The following ANXA4 variants were observed in gnomAD, a reference collection of about 807,000 sequenced individuals.
ANXA4 encodes the protein annexin A4.
A neutral mutation model predicts 49.8 loss-of-function variants in ANXA4; 39 were observed. The ratio of observed to expected loss-of-function variants is 0.78; its 90% CI spans 0.61 to 1.02. The LOEUF (loss-of-function observed/expected upper bound fraction) is 1.02, where lower values mean the gene tolerates loss of function less well. Among genes scored for constraint, ANXA4 ranks in the 50% least tolerant of loss-of-function variants. The pLI, the probability that ANXA4 is intolerant of heterozygous loss-of-function variation, is 0.00. For synonymous variants in ANXA4, 134 were observed against 152.5 expected (o/e 0.88, Z 0.89); for missense variants, 360 against 410.1 (o/e 0.88, Z 1.05).
intron 1 of ANXA4, among the ~76,000 whole-genome samples, chr2:69,757,266 ATTTTTTTTT>A (rs1177266386): frequency 8.3e-4 from 23 of 27,650 alleles, no homozygotes; most frequent in African/African-American, 2.8e-3. Context: ...ATATATATAT[ATTTTTTTTT>A]TTTTTTTTTT....
chr2:69,777,597 A>G (rs1325910617), intron 1 of ANXA4, among the ~76,000 whole-genome samples: 1 of 152,174 alleles, frequency 6.6e-6, no homozygotes, highest in East Asian at 1.9e-4. Flanking sequence ...TCACAATATT[A>G]TATGGCCTGA....
At chr2:69,750,548 A>G (rs968171239) in intron 1 of ANXA4, among the ~76,000 whole-genome samples, 2 of 152,136 alleles carry the variant, frequency 1.3e-5, no homozygotes, top group African/African-American at 4.8e-5. Context: ...AGGTGGCTGG[A>G]ACTATAGGCA....
intron 1 of ANXA4, among the ~76,000 whole-genome samples, chr2:69,648,879 C>CTTTTTTT (rs201603508): frequency 2.1e-4 from 24 of 113,476 alleles, no homozygotes; most frequent in East Asian, 1.4e-3. Flanking sequence ...AATTTTCTTT[C>CTTTTTTT]TTTCTTTTCT....
chr2:69,682,438 G>A (rs1408486591), intron 2 of ANXA4, among the ~76,000 whole-genome samples: 1 of 151,954 alleles, frequency 6.6e-6, no homozygotes, highest in Non-Finnish European at 1.5e-5. Flanking sequence ...TAATGGTTCA[G>A]TAATAATAAA....
chr2:69,677,390 C>G (rs1207531281), intron 2 of ANXA4, among the ~76,000 whole-genome samples: 1 of 151,994 alleles, frequency 6.6e-6, no homozygotes, highest in Admixed American at 6.6e-5. Flanking sequence ...CCACCACGCC[C>G]TGCTGATTTT....
At chr2:69,709,635 G>A (rs966840599) in intron 2 of ANXA4, among the ~76,000 whole-genome samples, 8 of 152,128 alleles carry the variant, frequency 5.3e-5, no homozygotes, top group Non-Finnish European at 1.2e-4. Flanking sequence ...AATCTACATG[G>A]CAACCTCGCT....
At chr2:69,721,284 T>A (rs1443278081) in intron 3 of ANXA4, among the ~76,000 whole-genome samples, 1 of 152,258 alleles carries the variant, frequency 6.6e-6, no homozygotes, top group Non-Finnish European at 1.5e-5. Context: ...GATTGGAGTT[T>A]AGATCTCAAA....
At chr2:69,804,923 C>T (rs1363197745) in intron 4 of ANXA4, among the ~76,000 whole-genome samples, 3 of 151,790 alleles carry the variant, frequency 2.0e-5, no homozygotes, top group African/African-American at 4.8e-5. Flanking sequence ...TGCTGAGCAC[C>T]TGTAATCCTA....
chr2:69,741,697 A>G (rs1271784508), upstream of ANXA4, among the ~76,000 whole-genome samples: 1 of 152,026 alleles, frequency 6.6e-6, no homozygotes, highest in Non-Finnish European at 1.5e-5. Flanking sequence ...TTGCCGCGGG[A>G]CTCCGGCTTG....
At chr2:69,715,532 T>C (rs1358624497) in intron 2 of ANXA4, among the ~76,000 whole-genome samples, 1 of 152,244 alleles carries the variant, frequency 6.6e-6, no homozygotes, top group Non-Finnish European at 1.5e-5. Context: ...AAAAGGGAGA[T>C]GGTCAAATAT....
At chr2:69,656,258 CGT>C (rs1676449865) in intron 2 of ANXA4, among the ~76,000 whole-genome samples, 1 of 109,328 alleles carries the variant, frequency 9.1e-6, no homozygotes, top group Admixed American at 1.2e-4. Context: ...TATGTATATA[CGT>C]ATATATATGT....
chr2:69,800,666 T>C (rs1374391078), intron 3 of ANXA4, among the ~76,000 whole-genome samples: 1 of 152,162 alleles, frequency 6.6e-6, no homozygotes, highest in African/African-American at 2.4e-5. Context: ...GGGAGATGAT[T>C]GAGTTTCTGT....
At chr2:69,736,496 C>G (rs143883875) in intron 3 of ANXA4, among the ~76,000 whole-genome samples, 96 of 152,288 alleles carry the variant, frequency 6.3e-4, no homozygotes, top group African/African-American at 2.2e-3. Flanking sequence ...GTTAGCTGTA[C>G]TCTATAGTTA....
chr2:69,794,903 A>G (rs1383664553), intron 3 of ANXA4, among the ~76,000 whole-genome samples: 2 of 152,152 alleles, frequency 1.3e-5, no homozygotes, highest in African/African-American at 4.8e-5. Flanking sequence ...CCCTGTGCCC[A>G]GGTACTCACA....
rs118153937 is a variant in ANXA4 at position 69,745,857 on chromosome 2, T to C, written c.-47+3682T>C. Among the ~76,000 whole-genome samples, 53 of 152,148 alleles carry C rather than the reference T, an allele frequency of 3.5e-4. No homozygotes were observed. The East Asian group carries it at 5.1e-3, about 15-fold the overall frequency. Reference sequence around the variant, plus strand: ...AGAAACTATGCTTTAGAAACACTTATATGAATATGTGCATACTTCATAAAT... The same window carrying C: ...AGAAACTATGCTTTAGAAACACTTACATGAATATGTGCATACTTCATAAAT... On this transcript the variant is annotated intron_variant, in intron 1 of 12. Coordinates refer to ENST00000394295, the MANE Select transcript of ANXA4 (RefSeq NM_001153.5).
chr2:69,712,759 T>G (rs1678715832), intron 2 of ANXA4, among the ~76,000 whole-genome samples: 1 of 152,222 alleles, frequency 6.6e-6, no homozygotes, highest in African/African-American at 2.4e-5. Flanking sequence ...ATTTGGCATT[T>G]TGTTTTCAGA....
At chr2:69,698,539 G>A (rs535666407) in intron 2 of ANXA4, among the ~76,000 whole-genome samples, 91 of 152,270 alleles carry the variant, frequency 6.0e-4, no homozygotes, top group Non-Finnish European at 1.1e-3. Flanking sequence ...AGCCTAGGGC[G>A]GCAGAGAAGG....
chr2:69,740,860 T>TTG (rs1670375247), upstream of ANXA4, among the ~76,000 whole-genome samples: 1 of 145,182 alleles, frequency 6.9e-6, no homozygotes, highest in Non-Finnish European at 1.5e-5. Context: ...TATATGTTTT[T>TTG]TTTTTTTTTT....
chr2:69,715,444 G>A (rs1437903901), intron 2 of ANXA4, among the ~76,000 whole-genome samples: 1 of 152,192 alleles, frequency 6.6e-6, no homozygotes, highest in Non-Finnish European at 1.5e-5. Context: ...CTGGTCTCAA[G>A]TGATCCTCCC....
Sources: gnomAD v4.1 joint callset for allele counts (sites outside exome capture counted in the v4.1 genomes callset) on GRCh38, gnomAD v4.1.1 for gene constraint, MANE v1.5 for transcripts, NCBI Gene and HGNC (gene_info 2026-07-23, HGNC 2026-07-21) for gene names.